Variants in HYAL4 observed in about 807,000 individuals in gnomAD.
The protein encoded by HYAL4 is hyaluronidase-4.
HYAL4 carries 37 observed loss-of-function variants against 35.2 expected under a neutral mutation model. The ratio of observed to expected loss-of-function variants is 1.05; its 90% confidence interval spans 0.81 to 1.38. HYAL4 has a LOEUF of 1.38. HYAL4 is among the 40% of genes most tolerant of loss of function. The pLI, the probability that HYAL4 is intolerant of heterozygous loss-of-function variation, is 0.00. For synonymous variants in HYAL4, 198 were observed against 203.2 expected, an observed-to-expected ratio of 0.97 and a Z score of 0.22; for missense variants, 572 against 572.4, an observed-to-expected ratio of 1.00 and a Z score of 0.01.
At chr7:123,822,868 A>G in the HYAL4 span, among the ~76,000 whole-genome samples, 1 of 152,206 alleles carries the variant, frequency 6.6e-6, no homozygotes, top group Admixed American at 6.6e-5. Context: ...AGGAGGCTAC[A>G]GCAGGAGGAT....
At chr7:123,803,696 A>T in the HYAL4 span, among the ~76,000 whole-genome samples, 3 of 152,218 alleles carry the variant, frequency 2.0e-5, no homozygotes, top group Non-Finnish European at 2.9e-5. Context: ...GCCCAATTTT[A>T]TACTTCTAGA....
chr7:123,769,379 G>C, the HYAL4 span, among the ~76,000 whole-genome samples: 1 of 152,268 alleles, frequency 6.6e-6, no homozygotes, highest in Non-Finnish European at 1.5e-5. Context: ...ACCTGTTAGA[G>C]AGAGGGGAAG....
At chr7:123,786,563 T>C in the HYAL4 span, among the ~76,000 whole-genome samples, 1 of 152,098 alleles carries the variant, frequency 6.6e-6, no homozygotes, top group Non-Finnish European at 1.5e-5. Context: ...ATTAAAAGTA[T>C]GCATCAGTTT....
upstream of HYAL4, among the ~76,000 whole-genome samples, chr7:123,825,202 CT>C (rs1019019183): frequency 4.0e-5 from 6 of 151,430 alleles, no homozygotes; most frequent in African/African-American, 1.5e-4. Flanking sequence ...AAGTTCCTGT[CT>C]TTTTTTTAAC....
chr7:123,875,656 CAAAAAAAAAAA>C (rs1167401861), intron 4 of HYAL4, among the ~76,000 whole-genome samples: 4 of 62,726 alleles, frequency 6.4e-5, no homozygotes, highest in Non-Finnish European at 6.3e-5. Context: ...GACTCCATCT[CAAAAAAAAAAA>C]AAAAAGAAAA....
chr7:123,828,062 G>C (rs1805826206), upstream of HYAL4, among the ~76,000 whole-genome samples: 1 of 152,076 alleles, frequency 6.6e-6, no homozygotes. Context: ...CTGTAGAAAT[G>C]TGTCCTAGAG....
chr7:123,819,895 CTTTT>C, the HYAL4 span, among the ~76,000 whole-genome samples: 1 of 138,866 alleles, frequency 7.2e-6, no homozygotes, highest in Admixed American at 7.3e-5. Flanking sequence ...CTTTTTTTTT[CTTTT>C]TTTTTTTTTT....
the HYAL4 span, among the ~76,000 whole-genome samples, chr7:123,783,706 TA>T: frequency 6.6e-6 from 1 of 151,496 alleles, no homozygotes; most frequent in Admixed American, 6.6e-5. Flanking sequence ...AATATAAGTT[TA>T]AAAAAAAATT....
At chr7:123,776,337 A>G in the HYAL4 span, among the ~76,000 whole-genome samples, 2 of 152,210 alleles carry the variant, frequency 1.3e-5, no homozygotes, top group African/African-American at 4.8e-5. Flanking sequence ...GATGGGCGAC[A>G]TGCTGTCTCT....
chr7:123,874,843 C>T lies in HYAL4; in HGVS notation c.1037C>T (p.Ala346Val). The change falls in exon 4 of 5, where the codon GCA becomes GTA. Residue 346 changes from alanine (A) to valine (V), a missense_variant. Transcript: ENST00000223026. ...IVIWGDMNLT[A>V]SKANCTKVKQ... ...ATTTGGGGAGACATGAATTTAACTGCATCCAAGGTAAGTCAGTATCTTGAA... is the reference window on the plus strand; with the variant it reads ...ATTTGGGGAGACATGAATTTAACTGTATCCAAGGTAAGTCAGTATCTTGAA... 5 of 1,558,546 alleles carry T rather than the reference C, an allele frequency of 3.2e-6. No homozygotes were observed. The highest frequency in any genetic ancestry group is 3.5e-6 in the Non-Finnish European group (4 of 1,129,090).
the HYAL4 span, among the ~76,000 whole-genome samples, chr7:123,800,920 C>CA: frequency 1.3e-5 from 2 of 152,086 alleles, no homozygotes; most frequent in East Asian, 3.9e-4. Context: ...CTTGGCCTCC[C>CA]AAAGTGCTGG....
upstream of HYAL4, among the ~76,000 whole-genome samples, chr7:123,843,607 C>G (rs1806111883): frequency 6.6e-6 from 1 of 151,958 alleles, no homozygotes; most frequent in African/African-American, 2.4e-5. Context: ...AACTTGGTTC[C>G]ATTCTCCCCA....
At chr7:123,768,406 A>G in the HYAL4 span, among the ~76,000 whole-genome samples, 2 of 152,272 alleles carry the variant, frequency 1.3e-5, no homozygotes, top group South Asian at 2.1e-4. Flanking sequence ...TCTTATTAGG[A>G]TATTTCCACT....
At chr7:123,785,959 A>G in the HYAL4 span, among the ~76,000 whole-genome samples, 1 of 152,126 alleles carries the variant, frequency 6.6e-6, no homozygotes, top group Non-Finnish European at 1.5e-5. This position sits in a 1 kb window ranked among gnomAD's most constrained non-coding sequence, Gnocchi z 4.5. Flanking sequence ...AAAACAAAAC[A>G]AAACAAAACA....
At chr7:123,823,030 G>A in the HYAL4 span, among the ~76,000 whole-genome samples, 7 of 151,912 alleles carry the variant, frequency 4.6e-5, no homozygotes, top group Non-Finnish European at 1.0e-4. Flanking sequence ...TGTTATTTCT[G>A]ATGTTAGAGA....
the HYAL4 span, among the ~76,000 whole-genome samples, chr7:123,782,792 T>C: frequency 6.6e-6 from 1 of 152,188 alleles, no homozygotes; most frequent in Non-Finnish European, 1.5e-5. Context: ...AGAAGTCATA[T>C]AATAAATGTT....
chr7:123,791,426 G>A, the HYAL4 span, among the ~76,000 whole-genome samples: 4 of 152,092 alleles, frequency 2.6e-5, no homozygotes, highest in Non-Finnish European at 5.9e-5. Context: ...TACAAGAGAT[G>A]GTATGCTTCT....
At chr7:123,783,200 G>T in the HYAL4 span, among the ~76,000 whole-genome samples, 1 of 152,082 alleles carries the variant, frequency 6.6e-6, no homozygotes, top group East Asian at 1.9e-4. Flanking sequence ...TACACATCAA[G>T]CCCTGGGCTA....
At chr7:123,867,571 GA>G (rs1806720604) in intron 2 of HYAL4, among the ~76,000 whole-genome samples, 1 of 152,074 alleles carries the variant, frequency 6.6e-6, no homozygotes, top group African/African-American at 2.4e-5. Context: ...TTATTCAGAA[GA>G]AACCCAAAAC....
Sources: gnomAD v4.1 joint callset for allele counts (sites outside exome capture counted in the v4.1 genomes callset) on GRCh38, gnomAD v4.1.1 for gene constraint, Gnocchi (gnomAD v3.1) non-coding constraint, MANE v1.5 for transcripts, NCBI Gene and HGNC (gene_info 2026-07-23, HGNC 2026-07-21) for gene names.